The following PIP5K1B variants were observed in gnomAD, a reference collection of about 807,000 sequenced individuals.
PIP5K1B encodes the protein phosphatidylinositol 4-phosphate 5-kinase type-1 beta.
In PIP5K1B, 42 loss-of-function variants were observed where a neutral mutation model predicts 67.0. That is an observed-to-expected ratio of 0.63 (90% CI 0.49 to 0.81). The LOEUF (loss-of-function observed/expected upper bound fraction) is 0.81, where lower values mean the gene tolerates loss of function less well. Among genes scored for constraint, PIP5K1B ranks in the 30% least tolerant of loss-of-function variants. The probability of loss-of-function intolerance (pLI) is 0.00; values close to 1 mark genes in which losing one functional copy is unlikely to be tolerated. For missense variants in PIP5K1B, 459 were observed against 646.3 expected (o/e 0.71, Z 3.14); for synonymous variants, 214 against 231.4 (o/e 0.92, Z 0.68).
intron 2 of PIP5K1B, among the ~76,000 whole-genome samples, chr9:68,796,154 T>A (rs1832281037): frequency 6.6e-6 from 1 of 152,246 alleles, no homozygotes; most frequent in Non-Finnish European, 1.5e-5. Context: ...TATATTCAGC[T>A]CCATAAACAG....
chr9:68,780,432 CAAG>C (rs747882236), intron 2 of PIP5K1B: 3 of 1,614,144 alleles, frequency 1.9e-6, no homozygotes, highest in Non-Finnish European at 2.5e-6. Flanking sequence ...CCAGATCAAA[CAAG>C]AAGAGGGCAT....
intron 12 of PIP5K1B, among the ~76,000 whole-genome samples, chr9:68,924,408 A>G (rs1587674450): frequency 2.0e-5 from 3 of 150,334 alleles, no homozygotes; most frequent in Non-Finnish European, 4.4e-5. Flanking sequence ...CCTCAAAAAA[A>G]AAAAAAAAAA....
chr9:68,974,168 C>T (rs762521915), intron 14 of PIP5K1B, among the ~76,000 whole-genome samples: 1 of 152,192 alleles, frequency 6.6e-6, no homozygotes, highest in Non-Finnish European at 1.5e-5. Flanking sequence ...CCACACCCAG[C>T]CTTCCTCTTC....
chr9:68,858,412 G>A (rs151213001), intron 4 of PIP5K1B, among the ~76,000 whole-genome samples: 322 of 152,314 alleles, frequency 2.1e-3, no homozygotes, highest in African/African-American at 7.5e-3. Context: ...CAGAAACAGA[G>A]AAAGCATTGG....
At chr9:68,880,047 A>G (rs77142321) in intron 6 of PIP5K1B, among the ~76,000 whole-genome samples, 16,387 of 152,054 alleles carry the variant, frequency 0.11, 1,153 homozygotes, top group Non-Finnish European at 0.16. Context: ...ACATCTCACT[A>G]TAACTGTTAA....
At chr9:68,869,059 GTTTGA>G (rs1355429738) in intron 5 of PIP5K1B, among the ~76,000 whole-genome samples, 1 of 152,178 alleles carries the variant, frequency 6.6e-6, no homozygotes, top group African/African-American at 2.4e-5. Context: ...AATGTTACAG[GTTTGA>G]CAAACTAGCC....
At chr9:68,968,827 A>C (rs1462756932) in intron 14 of PIP5K1B, among the ~76,000 whole-genome samples, 1 of 152,092 alleles carries the variant, frequency 6.6e-6, no homozygotes, top group African/African-American at 2.4e-5. Context: ...AAAGACTTTA[A>C]GAGTGAAATC....
intron 8 of PIP5K1B, among the ~76,000 whole-genome samples, chr9:68,895,203 A>G (rs1825016731): frequency 6.6e-6 from 1 of 150,986 alleles, no homozygotes; most frequent in African/African-American, 2.4e-5. Flanking sequence ...ACACCATTCC[A>G]TGCAAACTTA....
intron 7 of PIP5K1B, among the ~76,000 whole-genome samples, chr9:68,891,376 G>A (rs183835892): frequency 9.9e-5 from 15 of 151,570 alleles, no homozygotes; most frequent in African/African-American, 1.5e-4. Flanking sequence ...TAGATGTTGA[G>A]GAGAAGCTAA....
intron 15 of PIP5K1B, among the ~76,000 whole-genome samples, chr9:69,002,983 A>G (rs1830890791): frequency 6.6e-6 from 1 of 152,148 alleles, no homozygotes; most frequent in South Asian, 2.1e-4. Flanking sequence ...GCTCTGTCTC[A>G]AAAAATAATA....
intron 4 of PIP5K1B, among the ~76,000 whole-genome samples, chr9:68,836,187 T>C (rs1392821675): frequency 6.6e-6 from 1 of 152,120 alleles, no homozygotes. Flanking sequence ...AGCTGCACAA[T>C]CAGCATAGTC....
chr9:68,829,050 C>T (rs1834143923), intron 4 of PIP5K1B, among the ~76,000 whole-genome samples: 3 of 152,250 alleles, frequency 2.0e-5, no homozygotes, highest in Non-Finnish European at 2.9e-5. Flanking sequence ...TGCAGTGAGC[C>T]GAGATCACGC....
intron 4 of PIP5K1B, among the ~76,000 whole-genome samples, chr9:68,841,293 A>C (rs929929845): frequency 1.3e-5 from 2 of 152,364 alleles, no homozygotes; most frequent in African/African-American, 4.8e-5. Flanking sequence ...AGAATTTTCA[A>C]AATCAAATTT....
chr9:68,881,249 C>T (rs927645624), intron 6 of PIP5K1B, among the ~76,000 whole-genome samples: 7 of 152,196 alleles, frequency 4.6e-5, no homozygotes, highest in Admixed American at 1.3e-4. Context: ...CTCTTCCTAG[C>T]CCATTGACCT....
intron 5 of PIP5K1B, among the ~76,000 whole-genome samples, chr9:68,872,136 G>T (rs937597594): frequency 6.6e-6 from 1 of 152,226 alleles, no homozygotes; most frequent in Non-Finnish European, 1.5e-5. Context: ...CTGCCATGGT[G>T]GAAGTTGCTA....
chr9:69,007,842 G>A (rs1334543065), intron 15 of PIP5K1B, among the ~76,000 whole-genome samples: 1 of 151,520 alleles, frequency 6.6e-6, no homozygotes, highest in Non-Finnish European at 1.5e-5. Flanking sequence ...GGGCAACAGA[G>A]TGAGACTCCA....
intron 14 of PIP5K1B, among the ~76,000 whole-genome samples, chr9:68,957,225 A>G (rs1165551723): frequency 1.3e-5 from 2 of 150,700 alleles, no homozygotes; most frequent in African/African-American, 2.5e-5. Context: ...CAGGAAGGAA[A>G]TAGAAAAAGA....
intron 1 of PIP5K1B, among the ~76,000 whole-genome samples, chr9:68,711,284 A>G (rs551462526): frequency 1.3e-5 from 2 of 152,304 alleles, no homozygotes; most frequent in Admixed American, 6.5e-5. Context: ...TTTTTAAACC[A>G]TGCCCATCAT....
chr9:68,746,897 G>C (rs944320232), intron 2 of PIP5K1B, among the ~76,000 whole-genome samples: 1 of 152,128 alleles, frequency 6.6e-6, no homozygotes, highest in Admixed American at 6.5e-5. Context: ...TTTACAGGTA[G>C]TAGATCCCCA....
Sources: allele counts gnomAD v4.1 joint callset (sites outside exome capture counted in the v4.1 genomes callset), GRCh38; gene constraint gnomAD v4.1.1; transcripts MANE v1.5; gene names NCBI Gene and HGNC (gene_info 2026-07-23, HGNC 2026-07-21).